The following SFXN4 variants were observed in gnomAD, a reference collection of about 807,000 sequenced individuals.
SFXN4 encodes the protein sideroflexin 4.
SFXN4 carries 48 observed loss-of-function variants against 54.6 expected under a neutral mutation model. The ratio of observed to expected loss-of-function variants is 0.88; its 90% CI spans 0.70 to 1.12. SFXN4 has a LOEUF of 1.12. SFXN4 is among the 50% of genes most tolerant of loss of function. SFXN4 has a pLI of 0.00. For missense variants in SFXN4, 383 were observed against 409.2 expected (o/e 0.94, Z 0.55); for synonymous variants, 130 against 145.5 (o/e 0.89, Z 0.77).
chr10:119,164,316 T>C, intron 1 of SFXN4, 120 bp from the exon 2 acceptor site: 1 of 610,922 alleles, frequency 1.6e-6, no homozygotes, highest in Non-Finnish European at 2.9e-6. Flanking sequence ...GATCTGCCTT[T>C]TACTGGCATC....
intron 3 of SFXN4, 47 bp from the exon 4 acceptor site, chr10:119,161,128 T>TA: frequency 6.2e-7 from 1 of 1,602,696 alleles, no homozygotes; most frequent in Non-Finnish European, 8.5e-7. Flanking sequence ...AAATTTTTTT[T>TA]AAGAGACAAG....
rs1847396217 is a variant in SFXN4 at position 119,158,962 on chromosome 10, A to G, written c.360+766T>C. ...TGTGCCACTGCACTCCAGCCTGGGC[A>G]ACAGAGCAAGACCCTATTTTAAAAA... On this transcript the variant is annotated intron_variant, in intron 6 of 13. Transcript: ENST00000355697. 2.6e-5 allele frequency among the ~76,000 whole-genome samples: 4 copies of G among 152,130 alleles called. 1 individual carries two copies. In the Middle Eastern group the frequency reaches 0.014, roughly 521 times the overall value.
chr10:119,163,593 C>T (rs7088103), intron 2 of SFXN4, among the ~76,000 whole-genome samples: 3 of 151,218 alleles, frequency 2.0e-5, no homozygotes, highest in Admixed American at 1.3e-4. Flanking sequence ...GTAGAGACGT[C>T]GGTTTCACCA....
rs573311460 is a variant in SFXN4 at position 119,142,726 on chromosome 10, ATTTTTTTT to A, written c.937-1415_937-1408del. Among the ~76,000 whole-genome samples, 36 of 77,446 alleles carry A rather than the reference ATTTTTTTT, an allele frequency of 4.6e-4. 2 individuals are homozygous for A. In the Admixed American group the frequency reaches 5.4e-3, roughly 12 times the overall value. The allele number at this position is 77,446 out of a possible 152,430, so 50.8% of individuals were successfully genotyped here. A position where few individuals can be genotyped will look rare whatever the true frequency, so the allele number is the denominator to read the frequency against. On this transcript the variant is annotated intron_variant, in intron 13 of 13. Coordinates refer to ENST00000355697, the MANE Select transcript of SFXN4 (RefSeq NM_213649.2). Reference sequence around the variant, plus strand: ...CCACCACGTCCAGCTAATGTTTTGAATTTTTTTTTTTTTTTTTTTTTTTGATATGGAGT... The same window carrying A: ...CCACCACGTCCAGCTAATGTTTTGAATTTTTTTTTTTTTTTGATATGGAGT...
At chr10:119,161,427 C>CAAAAAAAAA (rs1254206919) in intron 3 of SFXN4, among the ~76,000 whole-genome samples, 8 of 116,682 alleles carry the variant, frequency 6.9e-5, no homozygotes, top group Admixed American at 8.7e-5. Context: ...ACAACAACAA[C>CAAAAAAAAA]AAAAAAAAAC....
chr10:119,159,533 G>A (rs1395456825), intron 6 of SFXN4, among the ~76,000 whole-genome samples, 195 bp downstream of exon 6: 1 of 135,802 alleles, frequency 7.4e-6, no homozygotes, highest in Non-Finnish European at 1.7e-5. Context: ...TGACTGGGAG[G>A]GTGTGGGGAG....
At chr10:119,148,778 T>C (rs1312949301) in intron 11 of SFXN4, among the ~76,000 whole-genome samples, 1 of 152,236 alleles carries the variant, frequency 6.6e-6, no homozygotes, top group Non-Finnish European at 1.5e-5. Context: ...TACAATTTAC[T>C]GTATGGGTGA....
At chr10:119,148,784 G>A (rs1846928796) in intron 11 of SFXN4, among the ~76,000 whole-genome samples, 1 of 152,012 alleles carries the variant, frequency 6.6e-6, no homozygotes, top group Non-Finnish European at 1.5e-5. Flanking sequence ...TTACTGTATG[G>A]GTGAGTATGT....
At chr10:119,160,517 A>C (rs1847479560) in intron 5 of SFXN4, among the ~76,000 whole-genome samples, 1 of 148,868 alleles carries the variant, frequency 6.7e-6, no homozygotes, top group African/African-American at 2.5e-5. Flanking sequence ...CACTGTTTCA[A>C]AAAAAAAAAA....
chr10:119,146,454 T>TGC, intron 12 of SFXN4, 101 bp from the exon 13 acceptor site: 1 of 561,116 alleles, frequency 1.8e-6, no homozygotes, highest in Non-Finnish European at 3.1e-6. Context: ...TGTGTGTGTG[T>TGC]GTGTGTGCAC....
chr10:119,154,320 G>A (rs1416828570), intron 11 of SFXN4, among the ~76,000 whole-genome samples: 3 of 152,330 alleles, frequency 2.0e-5, no homozygotes, highest in South Asian at 2.1e-4. Context: ...TCCTGTCCAA[G>A]TTTCCAGCCT....
chr10:119,159,596 G>T, intron 6 of SFXN4, 132 bp downstream of exon 6: 1 of 938,896 alleles, frequency 1.1e-6, no homozygotes, highest in Non-Finnish European at 1.7e-6. Flanking sequence ...GTTATCAGTG[G>T]GGATCCACAA....
Position 119,147,800 on chromosome 10 carries a change from C to T in SFXN4, c.793G>A (p.Glu265Lys), listed in dbSNP as rs1193219087. The part of the protein sequence containing the change: ...VLFGTSALIP[E>K]VFTYFFKRTQ... ...CTTTTAAAAAAGTAGGTGAAGACTT[C>T]AGGAATCAGAGCTGAGGTCCCAAAC... Residue 265 changes from glutamate (E) to lysine (K), a missense_variant, in exon 12 of 14, where the codon GAA becomes AAA. By Grantham distance (56) the Glu-to-Lys change is moderately conservative. Coordinates refer to ENST00000355697, the MANE Select transcript of SFXN4 (RefSeq NM_213649.2). 1.2e-6 allele frequency: 2 copies of T among 1,613,942 alleles called. No individual in the cohort carries two copies. Among genetic ancestry groups the T allele is most frequent in the Non-Finnish European group, 1.7e-6 (2 of 1,179,954 alleles).
At chr10:119,147,253 T>C (rs1041477094) in intron 12 of SFXN4, among the ~76,000 whole-genome samples, 2 of 152,170 alleles carry the variant, frequency 1.3e-5, no homozygotes, top group African/African-American at 4.8e-5. Context: ...CCCCAACGTC[T>C]CCCCTCGGGT....
In SFXN4 at chr10:119,161,248, A is replaced by C. The variant is rs558631600; in HGVS notation, c.253-167T>G. On this transcript the variant is annotated intron_variant, in intron 3 of 13. Transcript: ENST00000355697. Reference sequence around the variant, plus strand: ...ATCCTCCCACCTCACCCTCCTGAATAGCTGAAACTACAGGCTCACGCCACC... The same window carrying C: ...ATCCTCCCACCTCACCCTCCTGAATCGCTGAAACTACAGGCTCACGCCACC... Among the ~76,000 whole-genome samples the C allele has an allele frequency of 4.6e-5, 7 of 152,164 alleles. No homozygotes were observed. In the South Asian group the frequency reaches 1.2e-3, roughly 27 times the overall value.
In SFXN4 at chr10:119,162,434, A is replaced by T. The variant is rs773383331; in HGVS notation, c.178-20T>A. 15 of 1,586,680 alleles carry T rather than the reference A, an allele frequency of 9.5e-6. No individual in the cohort carries two copies. In the South Asian group the frequency reaches 1.7e-4, roughly 18 times the overall value. On this transcript the variant is annotated intron_variant, in intron 2 of 13. Coordinates refer to ENST00000355697, the MANE Select transcript of SFXN4 (RefSeq NM_213649.2). ...ACTTTCCTAAAATCAGATATCAAGT[A>T]ATCAAGTAATGATCTCAACATTGTT...
At chr10:119,146,912 C>T (rs1033193220) in intron 12 of SFXN4, among the ~76,000 whole-genome samples, 1 of 152,142 alleles carries the variant, frequency 6.6e-6, no homozygotes. Context: ...TCCTAGCAGG[C>T]GATTCCCAGC....
At chr10:119,151,557 C>T (rs1242031964) in intron 11 of SFXN4, among the ~76,000 whole-genome samples, 1 of 151,654 alleles carries the variant, frequency 6.6e-6, no homozygotes, top group Non-Finnish European at 1.5e-5. Context: ...TCTCTGTCAC[C>T]CAGGCTGGAG....
chr10:119,161,308 G>A (rs1847521636), intron 3 of SFXN4, among the ~76,000 whole-genome samples: 1 of 151,814 alleles, frequency 6.6e-6, no homozygotes, highest in South Asian at 2.1e-4. Flanking sequence ...TAGTAGAGAT[G>A]GGGTCTTGCT....
Sources: allele counts gnomAD v4.1 joint callset (sites outside exome capture counted in the v4.1 genomes callset), GRCh38; gene constraint gnomAD v4.1.1; transcripts MANE v1.5; gene names NCBI Gene and HGNC (gene_info 2026-07-23, HGNC 2026-07-21).